The following EXOC4 variants were observed in gnomAD, a reference collection of about 807,000 sequenced individuals.
EXOC4 encodes the protein SEC8-like 1.
A neutral mutation model predicts 107.2 loss-of-function variants in EXOC4; 71 were observed. The observed-to-expected ratio is 0.66, with a 90% CI of 0.55 to 0.81. The LOEUF is 0.81. Among genes scored for constraint, EXOC4 ranks in the 30% least tolerant of loss-of-function variants. The pLI, the probability that EXOC4 is intolerant of heterozygous loss-of-function variation, is 0.00. For synonymous variants in EXOC4, 456 were observed against 441.2 expected (o/e 1.03, Z -0.42); for missense variants, 1,108 against 1,189.6 (o/e 0.93, Z 1.01).
intron 17 of EXOC4, among the ~76,000 whole-genome samples, chr7:134,063,549 T>G (rs922944326): frequency 6.6e-6 from 1 of 152,100 alleles, no homozygotes; most frequent in Admixed American, 6.5e-5. Context: ...GTGTAGCCCC[T>G]GGGTGGAGTG....
intron 17 of EXOC4, among the ~76,000 whole-genome samples, chr7:134,053,678 T>C (rs1333774233): frequency 6.6e-6 from 1 of 151,640 alleles, no homozygotes; most frequent in Non-Finnish European, 1.5e-5. Context: ...TTGATGAGGA[T>C]GGAGCAAGTA....
intron 13 of EXOC4, among the ~76,000 whole-genome samples, chr7:133,936,319 A>T (rs564384861): frequency 6.6e-6 from 1 of 152,360 alleles, no homozygotes; most frequent in South Asian, 2.1e-4. Context: ...CATTTTAGAT[A>T]ACGATTTGAT....
At chr7:134,067,149 C>CAAAAAAA (rs10597442), downstream of EXOC4, among the ~76,000 whole-genome samples, 2 of 121,962 alleles carry the variant, frequency 1.6e-5, no homozygotes, top group African/African-American at 3.0e-5. Context: ...CACTCTGTCT[C>CAAAAAAA]AAAAAAAAAA....
intron 10 of EXOC4, among the ~76,000 whole-genome samples, chr7:133,645,894 A>C (rs1802978223): frequency 6.6e-6 from 1 of 152,234 alleles, no homozygotes; most frequent in Non-Finnish European, 1.5e-5. Context: ...ATGAGGCTGA[A>C]GCAGATAAAG....
At chr7:133,765,792 G>A (rs1796122863) in intron 10 of EXOC4, among the ~76,000 whole-genome samples, 6 of 151,838 alleles carry the variant, frequency 4.0e-5, no homozygotes, top group Admixed American at 2.0e-4. Context: ...AACTTTACCT[G>A]TGAATCATAT....
At chr7:133,777,279 A>AAGAGAGAG (rs151199039) in intron 10 of EXOC4, among the ~76,000 whole-genome samples, 1 of 1,786 alleles carries the variant, frequency 5.6e-4, no homozygotes, top group African/African-American at 7.5e-4. Flanking sequence ...GAGAGAGAGA[A>AAGAGAGAG]AGAGAGAGAG....
intron 1 of EXOC4, among the ~76,000 whole-genome samples, chr7:133,270,704 T>C (rs1043131639): frequency 6.6e-6 from 1 of 152,172 alleles, no homozygotes; most frequent in African/African-American, 2.4e-5. Context: ...AATTGCTTTG[T>C]CAGCTGGTAG....
At chr7:133,616,706 C>A (rs1361671724) in intron 9 of EXOC4, among the ~76,000 whole-genome samples, 1 of 151,960 alleles carries the variant, frequency 6.6e-6, no homozygotes, top group Non-Finnish European at 1.5e-5. Flanking sequence ...GCAAATGATA[C>A]CAGCTATTTA....
In EXOC4 at chr7:133,811,790, A is replaced by T. The variant is rs188977827; in HGVS notation, c.1515-5535A>T. Reference sequence around the variant, plus strand: ...TGGTGGAGATATGGGATGATTTTTTAAAAATTTTGTATTGAAATCTGTAGT... The same window carrying T: ...TGGTGGAGATATGGGATGATTTTTTTAAAATTTTGTATTGAAATCTGTAGT... On this transcript the variant is annotated intron_variant, in intron 10 of 17. Transcript: ENST00000253861. Among the ~76,000 whole-genome samples the T allele has an allele frequency of 3.1e-3, 473 of 152,330 alleles. 1 individual carries two copies. Among genetic ancestry groups the T allele is most frequent in the African/African-American group, 0.011 (455 of 41,576 alleles).
intron 9 of EXOC4, among the ~76,000 whole-genome samples, chr7:133,612,005 A>G (rs1211040354): frequency 6.6e-6 from 1 of 152,186 alleles, no homozygotes; most frequent in Admixed American, 6.5e-5. Flanking sequence ...CCTGGTATGC[A>G]GCAAGCTGTT....
rs1198784117 is a variant in EXOC4 at position 133,696,644 on chromosome 7, T to TTTG, written c.1514+66519_1514+66521dup. On this transcript the variant is annotated intron_variant, in intron 10 of 17. Coordinates refer to ENST00000253861, the MANE Select transcript of EXOC4 (RefSeq NM_021807.4). ...TTCTGGTCTCTTTTTCTGTATAATC[T>TTTG]TTGTTGTTGTTGTTGTTGATATTGA... Among the ~76,000 whole-genome samples, 5 of 152,258 alleles carry TTTG rather than the reference T, an allele frequency of 3.3e-5. No individual in the cohort carries two copies. The South Asian group carries it at 6.2e-4, about 19-fold the overall frequency.
rs188182341 is a variant in EXOC4, at chr7:133,425,344, A to G, written c.1183-49984A>G. On this transcript the variant is annotated intron_variant, in intron 7 of 17. Transcript: ENST00000253861. Reference sequence around the variant, plus strand: ...GCTCTGTCACCTAGGCTGGAGTGCAATGGCGCAATCTTGGCTCACTGCAAC... The same window carrying G: ...GCTCTGTCACCTAGGCTGGAGTGCAGTGGCGCAATCTTGGCTCACTGCAAC... Among the ~76,000 whole-genome samples the G allele has an allele frequency of 6.7e-4, 102 of 152,180 alleles. 3 individuals are homozygous for G. The East Asian group carries it at 0.018, about 27-fold the overall frequency.
intron 11 of EXOC4, among the ~76,000 whole-genome samples, chr7:133,854,056 C>G (rs994364008): frequency 6.6e-6 from 1 of 152,152 alleles, no homozygotes; most frequent in African/African-American, 2.4e-5. Flanking sequence ...AGGAAACAAC[C>G]TCAACCAGGA....
chr7:133,483,556 G>A (rs1431358166), intron 9 of EXOC4, among the ~76,000 whole-genome samples: 1 of 152,120 alleles, frequency 6.6e-6, no homozygotes, highest in Non-Finnish European at 1.5e-5. Context: ...AGCACAAGTC[G>A]ATTGAACTTA....
At chr7:133,969,986 G>A (rs369028239) in intron 14 of EXOC4, among the ~76,000 whole-genome samples, 1 of 152,172 alleles carries the variant, frequency 6.6e-6, no homozygotes, top group Admixed American at 6.5e-5. Flanking sequence ...GGAGATGGGA[G>A]TTTTATCCAT....
chr7:133,665,954 T>TTA (rs1793803254), intron 10 of EXOC4, among the ~76,000 whole-genome samples: 4 of 152,190 alleles, frequency 2.6e-5, no homozygotes, highest in African/African-American at 7.2e-5. Context: ...TCTACTAAAT[T>TTA]TATACATTCT....
At chr7:133,270,058 GTC>G (rs1793831047) in intron 1 of EXOC4, among the ~76,000 whole-genome samples, 2 of 152,262 alleles carry the variant, frequency 1.3e-5, no homozygotes, top group Non-Finnish European at 2.9e-5. Flanking sequence ...ATGGGGGTGG[GTC>G]TCTCCTGCGC....
intron 10 of EXOC4, among the ~76,000 whole-genome samples, chr7:133,675,726 G>A (rs746735424): frequency 7.2e-5 from 11 of 152,168 alleles, no homozygotes; most frequent in African/African-American, 1.9e-4. Flanking sequence ...AGATAACGGC[G>A]TAGGAGTGAG....
intron 10 of EXOC4, among the ~76,000 whole-genome samples, chr7:133,803,372 C>T (rs1011574430): frequency 3.9e-5 from 6 of 152,060 alleles, no homozygotes; most frequent in African/African-American, 1.4e-4. Flanking sequence ...TTTAAATGTA[C>T]AAACCATTTC....
Sources: gnomAD v4.1 joint callset for allele counts (sites outside exome capture counted in the v4.1 genomes callset) on GRCh38, gnomAD v4.1.1 for gene constraint, MANE v1.5 for transcripts, NCBI Gene and HGNC (gene_info 2026-07-23, HGNC 2026-07-21) for gene names.